The following WRN variants were observed in gnomAD, a reference collection of about 807,000 sequenced individuals.
WRN encodes bifunctional 3'-5' exonuclease/ATP-dependent helicase WRN.
Under a neutral mutation model 180.7 loss-of-function variants are expected in WRN, and 149 were observed. That is an observed-to-expected ratio of 0.82 (90% confidence interval 0.72 to 0.94). The LOEUF is 0.94. Ranked by LOEUF, WRN falls within the 40% of genes least tolerant of loss-of-function variation. The pLI, the probability that WRN is intolerant of heterozygous loss-of-function variation, is 0.00. For missense variants in WRN, 1,661 were observed against 1,700.1 expected, an observed-to-expected ratio of 0.98 and a Z score of 0.40; for synonymous variants, 548 against 568.9, an observed-to-expected ratio of 0.96 and a Z score of 0.52.
intron 16 of WRN, 49 bp downstream of exon 16, chr8:31,091,947 A>G (rs763747818): frequency 2.4e-5 from 37 of 1,558,304 alleles, no homozygotes; most frequent in Non-Finnish European, 2.9e-5. Flanking sequence ...ATGGGGGTGC[A>G]TATGCAAGTT....
intron 24 of WRN, among the ~76,000 whole-genome samples, chr8:31,135,690 C>G (rs754971071): frequency 2.6e-5 from 4 of 152,112 alleles, no homozygotes; most frequent in Non-Finnish European, 4.4e-5. Context: ...TTTGGACATT[C>G]ACTCAGAGAA....
Position 31,132,402 on chromosome 8 carries a change from A to G in WRN, c.2863A>G (p.Thr955Ala), listed in dbSNP as rs1323462154. ...HCYSMDDSED[T>A]SWDFGPQAFK... is the part of the protein sequence containing the mutation. ...CTATTCCATGGATGACTCAGAGGAT[A>G]CATCCTGGGACTTTGGTCCACAAGC... Residue 955 changes from threonine to alanine, a missense_variant, in exon 24 of 35, where the codon ACA (threonine) becomes GCA (alanine). This residue lies in a region of WRN where 1,141 missense variants were observed against 1,149.4 expected (regional missense o/e 0.99). Coordinates refer to ENST00000298139, the MANE Select transcript of WRN (RefSeq NM_000553.6). 2 of 1,614,006 alleles carry G rather than the reference A, an allele frequency of 1.2e-6. No homozygotes were observed. The highest frequency in any genetic ancestry group is 2.2e-5 in the East Asian group (1 of 44,874).
At chr8:31,042,990 G>A (rs1811715250) in intron 1 of WRN, among the ~76,000 whole-genome samples, 1 of 152,190 alleles carries the variant, frequency 6.6e-6, no homozygotes, top group Non-Finnish European at 1.5e-5. Flanking sequence ...CAACAAGAGT[G>A]TCTTCAGTTG....
intron 26 of WRN, among the ~76,000 whole-genome samples, chr8:31,142,214 T>C (rs942795127): frequency 6.6e-5 from 10 of 152,160 alleles, no homozygotes; most frequent in Non-Finnish European, 1.5e-4. Flanking sequence ...CCCAAACTAC[T>C]GGGATTACAG....
intron 1 of WRN, among the ~76,000 whole-genome samples, chr8:31,038,134 C>A (rs1811517387): frequency 6.6e-6 from 1 of 152,044 alleles, no homozygotes; most frequent in African/African-American, 2.4e-5. Context: ...TACTAGATCA[C>A]ATGGTAAGCT....
At chr8:31,112,872 G>A (rs1801372047) in intron 19 of WRN, among the ~76,000 whole-genome samples, 1 of 152,098 alleles carries the variant, frequency 6.6e-6, no homozygotes. Flanking sequence ...ACAGGTGTTG[G>A]CCACTGCGCC....
intron 21 of WRN, among the ~76,000 whole-genome samples, chr8:31,124,060 G>C (rs541474802): frequency 6.6e-6 from 1 of 152,142 alleles, no homozygotes; most frequent in Non-Finnish European, 1.5e-5. Context: ...TAGAGATAAA[G>C]GTTCAAATTT....
intron 30 of WRN, among the ~76,000 whole-genome samples, chr8:31,148,667 T>C (rs11574365): frequency 0.012 from 1,836 of 152,334 alleles, 19 homozygotes; most frequent in Non-Finnish European, 0.018. Context: ...CTGTAAAGAC[T>C]ATGAGAAGGT....
rs1252200919 is a variant in WRN, at chr8:31,174,583, A to T, written c.*1481A>T. Reference sequence around the variant, plus strand: ...ATTGGAGATTTCTAGCAAAATGTATAATTTTGGAAAAGTTGTGTTCCTCCA... The same window carrying T: ...ATTGGAGATTTCTAGCAAAATGTATTATTTTGGAAAAGTTGTGTTCCTCCA... On this transcript the variant is annotated 3_prime_UTR_variant, in exon 35 of 35. Transcript: ENST00000298139. Among the ~76,000 whole-genome samples the T allele has an allele frequency of 1.3e-5, 2 of 152,174 alleles. No individual in the cohort carries two copies. Among genetic ancestry groups the T allele is most frequent in the African/African-American group, 4.8e-5 (2 of 41,446 alleles).
chr8:31,157,555 A>T, intron 33 of WRN, 25 bp downstream of exon 33: 1 of 1,613,436 alleles, frequency 6.2e-7, no homozygotes, highest in Non-Finnish European at 8.5e-7. Flanking sequence ...CTAGCTCTGC[A>T]CCCTTAATGA....
chr8:31,066,628 T>C (rs1812717175), intron 5 of WRN, among the ~76,000 whole-genome samples: 2 of 152,034 alleles, frequency 1.3e-5, no homozygotes, highest in Admixed American at 1.3e-4. Context: ...GAGAGCATAA[T>C]GGAGCTCTTG....
intron 19 of WRN, among the ~76,000 whole-genome samples, chr8:31,113,828 A>AT (rs78099702): frequency 0.16 from 24,958 of 152,132 alleles, 2,164 homozygotes; most frequent in South Asian, 0.25. Flanking sequence ...CCCAACAGAT[A>AT]CCCCTCTCCC....
At chr8:31,101,470 C>A (rs539841861) in intron 18 of WRN, among the ~76,000 whole-genome samples, 1 of 152,020 alleles carries the variant, frequency 6.6e-6, no homozygotes, top group South Asian at 2.1e-4. Flanking sequence ...TTAGAATTTC[C>A]CTTTCTTCCC....
At chr8:31,130,033 A>C (rs1585498275) in intron 23 of WRN, among the ~76,000 whole-genome samples, 1 of 150,914 alleles carries the variant, frequency 6.6e-6, no homozygotes. Flanking sequence ...AACAAAAAAA[A>C]AAACTAGTAA....
At position 31,174,559 on chromosome 8, in the gene WRN, T is replaced by C. The variant is rs1202323552; in HGVS notation, c.*1457T>C. Among the ~76,000 whole-genome samples the C allele has an allele frequency of 1.3e-5, 2 of 152,206 alleles. No homozygotes were observed. The highest frequency in any genetic ancestry group is 2.9e-5 in the Non-Finnish European group (2 of 68,022). On this transcript the variant is annotated 3_prime_UTR_variant, in exon 35 of 35. Coordinates refer to ENST00000298139, the MANE Select transcript of WRN (RefSeq NM_000553.6). Reference sequence around the variant, plus strand: ...GGTATTTGTTGTGCCAATGATAAAATTGGAGATTTCTAGCAAAATGTATAA... The same window carrying C: ...GGTATTTGTTGTGCCAATGATAAAACTGGAGATTTCTAGCAAAATGTATAA...
At chr8:31,061,241 C>A (rs1049615089) in intron 3 of WRN, among the ~76,000 whole-genome samples, 7 of 151,406 alleles carry the variant, frequency 4.6e-5, no homozygotes, top group Non-Finnish European at 8.8e-5. Flanking sequence ...ATATTTTTTT[C>A]TTCTGTAGTG....
chr8:31,121,885 G>A (rs1270710014), intron 21 of WRN, among the ~76,000 whole-genome samples: 3 of 151,780 alleles, frequency 2.0e-5, no homozygotes, highest in Non-Finnish European at 2.9e-5. Flanking sequence ...AGCTTCTTAT[G>A]ATCTAATTTA....
chr8:31,076,580 A>G (rs1319367079), intron 8 of WRN, among the ~76,000 whole-genome samples: 1 of 152,142 alleles, frequency 6.6e-6, no homozygotes, highest in Non-Finnish European at 1.5e-5. Context: ...ATTTTTTGTC[A>G]AAGCAAAATA....
At chr8:31,046,206 A>C in intron 1 of WRN, among the ~76,000 whole-genome samples, 1 of 152,164 alleles carries the variant, frequency 6.6e-6, no homozygotes, top group East Asian at 1.9e-4. Flanking sequence ...CTTATTTTGC[A>C]TCTGGTACCT....
Sources: gnomAD v4.1 joint callset for allele counts (sites outside exome capture counted in the v4.1 genomes callset) on GRCh38, gnomAD v4.1.1 for gene constraint, gnomAD v4.1.1 regional missense constraint, MANE v1.5 for transcripts, NCBI Gene and HGNC (gene_info 2026-07-23, HGNC 2026-07-21) for gene names.